The following RGS7 variants were observed in gnomAD, a reference collection of about 807,000 sequenced individuals.
RGS7 encodes the protein regulator of G-protein signaling 7.
RGS7 carries 27 observed loss-of-function variants against 81.1 expected under a neutral mutation model. That is an observed-to-expected ratio of 0.33 (90% CI 0.25 to 0.46). RGS7 has a LOEUF of 0.46. Ranked by LOEUF, RGS7 falls within the 20% of genes least tolerant of loss-of-function variation. The probability of loss-of-function intolerance (pLI) is 1.00; values close to 1 mark genes in which losing one functional copy is unlikely to be tolerated. For missense variants in RGS7, 396 were observed against 607.4 expected, an observed-to-expected ratio of 0.65 and a Z score of 3.66; for synonymous variants, 208 against 207.7, an observed-to-expected ratio of 1.00 and a Z score of -0.01.
chr1:241,259,378 G>C (rs1298572440), intron 2 of RGS7, among the ~76,000 whole-genome samples: 2 of 151,970 alleles, frequency 1.3e-5, no homozygotes, highest in African/African-American at 4.8e-5. Flanking sequence ...TTACTGGCCA[G>C]GCGCAGTGGC....
chr1:241,005,725 G>A (rs2058656095), intron 3 of RGS7, among the ~76,000 whole-genome samples: 1 of 152,008 alleles, frequency 6.6e-6, no homozygotes, highest in African/African-American at 2.4e-5. Context: ...TAGTAGAGAT[G>A]GGGTTTCACT....
At chr1:241,185,919 A>G (rs912547036) in intron 2 of RGS7, among the ~76,000 whole-genome samples, 1 of 152,180 alleles carries the variant, frequency 6.6e-6, no homozygotes, top group Non-Finnish European at 1.5e-5. Flanking sequence ...AACTAGAGAA[A>G]GAAAAACAAA....
intron 4 of RGS7, among the ~76,000 whole-genome samples, chr1:240,977,099 C>T (rs866804676): frequency 1.7e-5 from 2 of 119,794 alleles, no homozygotes; most frequent in African/African-American, 5.9e-5. Context: ...TGTACACACA[C>T]ACACACACAC....
Position 240,993,077 on chromosome 1 carries a change from CAGAA to C in RGS7, c.176-9952_176-9949del, listed in dbSNP as rs1270793974. The stretch of plus-strand genomic sequence containing the variant: ...AGAGCGAGAGGAGGAAGGAAAGAAA[CAGAA>C]GGAAGGAAGGAAGGAGGGAGGGAGG... On this transcript the variant is annotated intron_variant, in intron 3 of 18. Coordinates refer to ENST00000440928, the MANE Select transcript of RGS7 (RefSeq NM_001364886.1). Among the ~76,000 whole-genome samples the C allele has an allele frequency of 1.0e-3, 46 of 45,046 alleles. No homozygotes were observed. In the East Asian group the frequency reaches 0.032, roughly 31 times the overall value. The allele number at this position is 45,046 out of a possible 152,430, so 29.6% of individuals were successfully genotyped here.
rs138116326 is a variant in RGS7, at chr1:241,202,011, G to GAAGAACACACAC, written c.79-103250_79-103249insGTGTGTGTTCTT. On this transcript the variant is annotated intron_variant, in intron 2 of 18. Coordinates refer to ENST00000440928, the MANE Select transcript of RGS7 (RefSeq NM_001364886.1). Reference sequence around the variant, plus strand: ...CCCTGCAAACACACAGACACACACAGACACACACACACACACACACACACA... The same window carrying GAAGAACACACAC: ...CCCTGCAAACACACAGACACACACAGAAGAACACACACACACACACACACACACACACACACA... Among the ~76,000 whole-genome samples, 1,316 of 145,040 alleles carry GAAGAACACACAC rather than the reference G, an allele frequency of 9.1e-3. 14 individuals are homozygous for GAAGAACACACAC. Among genetic ancestry groups the GAAGAACACACAC allele is most frequent in the African/African-American group, 0.014 (532 of 38,424 alleles).
chr1:240,800,699 G>T lies in RGS7; in HGVS notation c.1436C>A (p.Pro479Gln). The T allele has an allele frequency of 6.5e-7, 1 of 1,545,592 alleles. No individual in the cohort carries two copies. Among genetic ancestry groups the T allele is most frequent in the Non-Finnish European group, 8.7e-7 (1 of 1,142,932 alleles). ...TGTTGGTGTACAGTTTTTATGGCAT[G>T]GGAAAATAGGGATGTTTCTGCCCTA... The part of the protein sequence containing the change: ...QNVGRNIPIF[P>Q]CHKNCTPTLR... The change falls in exon 18 of 19, where the codon CCA (proline) becomes CAA (glutamine). Residue 479 changes from proline (P) to glutamine (Q), a missense_variant. By Grantham distance (76) the Pro-to-Gln change is moderately conservative. Transcript: ENST00000440928.
intron 18 of RGS7, among the ~76,000 whole-genome samples, chr1:240,800,100 T>C (rs376290941): frequency 6.6e-6 from 1 of 152,180 alleles, no homozygotes; most frequent in African/African-American, 2.4e-5. Flanking sequence ...GAAATGCTTC[T>C]TAAACAATAC....
intron 2 of RGS7, among the ~76,000 whole-genome samples, chr1:241,347,644 T>A (rs2082983883): frequency 6.6e-6 from 1 of 152,150 alleles, no homozygotes; most frequent in Non-Finnish European, 1.5e-5. Context: ...ACTTTCAACA[T>A]CAGCAAATCA....
Position 241,221,037 on chromosome 1 carries a change from G to GAAA in RGS7, c.79-122276_79-122275insTTT, listed in dbSNP as rs1558203803. On this transcript the variant is annotated intron_variant, in intron 2 of 18. Transcript: ENST00000440928. ...AGGAAGGAAGGAAGGAAGGAAGGAA[G>GAAA]GAAAAGAAAGAAAGAAAGAAAGAGA... Among the ~76,000 whole-genome samples the GAAA allele has an allele frequency of 1.0e-4, 8 of 80,190 alleles. No individual in the cohort carries two copies. The East Asian group carries it at 2.1e-3, about 21-fold the overall frequency. 52.6% of individuals were successfully genotyped at this position (80,190 alleles called of 152,430 possible).
At chr1:241,074,600 G>A (rs1219441735) in intron 3 of RGS7, among the ~76,000 whole-genome samples, 1 of 152,212 alleles carries the variant, frequency 6.6e-6, no homozygotes, top group African/African-American at 2.4e-5. Flanking sequence ...TAACAGCTTA[G>A]CAATCAGTGC....
chr1:241,188,631 C>T (rs1481112886), intron 2 of RGS7, among the ~76,000 whole-genome samples: 1 of 151,950 alleles, frequency 6.6e-6, no homozygotes, highest in Non-Finnish European at 1.5e-5. Flanking sequence ...AGATTATAAA[C>T]CACGACAGAA....
chr1:241,034,485 T>C (rs1158078121), intron 3 of RGS7, among the ~76,000 whole-genome samples: 1 of 152,188 alleles, frequency 6.6e-6, no homozygotes, highest in Non-Finnish European at 1.5e-5. Context: ...TGGAACACGA[T>C]GTTACAAAGC....
intron 2 of RGS7, among the ~76,000 whole-genome samples, chr1:241,174,395 A>C (rs7514324): frequency 6.6e-6 from 1 of 152,222 alleles, no homozygotes; most frequent in South Asian, 2.1e-4. Context: ...TCAGAGATTA[A>C]TGCTTCTGTT....
chr1:241,186,916 C>CAACTG (rs2103343770), intron 2 of RGS7, among the ~76,000 whole-genome samples: 1 of 152,230 alleles, frequency 6.6e-6, no homozygotes, highest in Non-Finnish European at 1.5e-5. Context: ...GATGATGGGT[C>CAACTG]TTGAGGTCTT....
At chr1:240,831,169 T>C (rs2147820526) in intron 9 of RGS7, among the ~76,000 whole-genome samples, 1 of 152,254 alleles carries the variant, frequency 6.6e-6, no homozygotes, top group East Asian at 1.9e-4. Context: ...AAGCTGGATC[T>C]GGGATGCTTG....
chr1:241,221,043 G>GGA (rs1390080527), intron 2 of RGS7, among the ~76,000 whole-genome samples: 3,287 of 82,792 alleles, frequency 0.04, 120 homozygotes, highest in Admixed American at 0.15. Flanking sequence ...GGAAGGAAAA[G>GGA]AAAGAAAGAA....
chr1:241,192,533 A>G (rs2072766149), intron 2 of RGS7, among the ~76,000 whole-genome samples: 1 of 152,172 alleles, frequency 6.6e-6, no homozygotes, highest in Admixed American at 6.6e-5. Flanking sequence ...GCTTCTAGAA[A>G]CAGAAGTCAT....
At chr1:240,952,273 TA>T (rs1171685882) in intron 4 of RGS7, among the ~76,000 whole-genome samples, 1 of 152,096 alleles carries the variant, frequency 6.6e-6, no homozygotes, top group South Asian at 2.1e-4. Context: ...AAAATATAAC[TA>T]TTTGTTTAAA....
At chr1:241,264,592 A>T (rs566453622) in intron 2 of RGS7, among the ~76,000 whole-genome samples, 7 of 152,338 alleles carry the variant, frequency 4.6e-5, no homozygotes, top group African/African-American at 1.7e-4. Flanking sequence ...TAGCTATGTG[A>T]CTGGGCTCAG....
Sources: gnomAD v4.1 joint callset for allele counts (sites outside exome capture counted in the v4.1 genomes callset) on GRCh38, gnomAD v4.1.1 for gene constraint, MANE v1.5 for transcripts, NCBI Gene and HGNC (gene_info 2026-07-23, HGNC 2026-07-21) for gene names.